The following AFF3 variants were observed in gnomAD, a reference collection of about 807,000 sequenced individuals.
AFF3 encodes AF4/FMR2 family member 3.
AFF3 carries 32 observed loss-of-function variants against 129.7 expected under a neutral mutation model. The ratio of observed to expected loss-of-function variants is 0.25; its 90% CI spans 0.19 to 0.33. The LOEUF is 0.33. Among genes scored for constraint, AFF3 ranks in the 10% least tolerant of loss-of-function variants. AFF3 has a pLI of 1.00. For synonymous variants in AFF3, 644 were observed against 635.4 expected (o/e 1.01, Z -0.20); for missense variants, 1,373 against 1,592.0 (o/e 0.86, Z 2.34).
chr2:99,695,312 C>G (rs1440500479), intron 11 of AFF3, among the ~76,000 whole-genome samples: 1 of 152,138 alleles, frequency 6.6e-6, no homozygotes, highest in East Asian at 1.9e-4. Context: ...GTTTCTGGCC[C>G]CACGCTCAGT....
chr2:99,885,220 C>T (rs546093597), intron 7 of AFF3, among the ~76,000 whole-genome samples: 1 of 152,220 alleles, frequency 6.6e-6, no homozygotes, highest in Non-Finnish European at 1.5e-5. Flanking sequence ...ATCCATCCCA[C>T]CTGCAATGCC....
chr2:99,648,707 G>T (rs994964917), intron 13 of AFF3, among the ~76,000 whole-genome samples: 3 of 152,054 alleles, frequency 2.0e-5, no homozygotes, highest in Non-Finnish European at 2.9e-5. Context: ...AGTCAATGAT[G>T]GCTCATTCCA....
At chr2:99,988,786 G>A (rs897715373) in intron 7 of AFF3, among the ~76,000 whole-genome samples, 3 of 113,738 alleles carry the variant, frequency 2.6e-5, no homozygotes. Context: ...ACTGCCCTAG[G>A]AAAGAGAGGA....
rs1244996510 is a variant in AFF3 at position 99,923,533 on chromosome 2, G to A, written c.873+83099C>T. On this transcript the variant is annotated intron_variant, in intron 7 of 24. Transcript: ENST00000672756. Reference sequence around the variant, plus strand: ...AGAGTAAACTTATATTTATGCAAAAGGACCAACGAAAGATGATCAGGATCC... The same window carrying A: ...AGAGTAAACTTATATTTATGCAAAAAGACCAACGAAAGATGATCAGGATCC... Among the ~76,000 whole-genome samples the A allele has an allele frequency of 3.3e-5, 5 of 152,244 alleles. No homozygotes were observed. The East Asian group carries it at 9.7e-4, about 29-fold the overall frequency.
intron 15 of AFF3, among the ~76,000 whole-genome samples, chr2:99,590,404 C>G (rs1241493124): frequency 6.6e-6 from 1 of 152,170 alleles, no homozygotes; most frequent in Admixed American, 6.5e-5. Context: ...TGCAGCATCA[C>G]AAATTCAAAG....
chr2:99,644,508 T>C (rs1272286788), intron 13 of AFF3, among the ~76,000 whole-genome samples: 1 of 152,234 alleles, frequency 6.6e-6, no homozygotes, highest in Admixed American at 6.5e-5. Context: ...CCTGATCTGC[T>C]GCTATAAAGC....
chr2:99,736,332 TG>T (rs1351824124), intron 10 of AFF3, among the ~76,000 whole-genome samples: 3 of 152,218 alleles, frequency 2.0e-5, no homozygotes, highest in Admixed American at 2.0e-4. Flanking sequence ...TATGGTAAGT[TG>T]TATCTTTCCT....
Position 99,902,853 on chromosome 2 carries a change from G to A in AFF3, c.874-65329C>T, listed in dbSNP as rs1402060011. ...TTAAGCTGTCTGAAAGGCCTCCCAT[G>A]CATAATGATGGAAAAAATATAGGAA... On this transcript the variant is annotated intron_variant, in intron 7 of 24. Coordinates refer to ENST00000672756, the MANE Select transcript of AFF3 (RefSeq NM_001386135.1). Among the ~76,000 whole-genome samples, 4 of 152,094 alleles carry A rather than the reference G, an allele frequency of 2.6e-5. No homozygotes were observed. The East Asian group carries it at 7.7e-4, about 29-fold the overall frequency.
At chr2:99,998,763 A>C (rs1426188006) in intron 7 of AFF3, among the ~76,000 whole-genome samples, 1 of 152,172 alleles carries the variant, frequency 6.6e-6, no homozygotes, top group East Asian at 1.9e-4. Flanking sequence ...TCCCATGAAT[A>C]ACTGAACGAG....
chr2:99,695,291 G>A (rs1035794818), intron 11 of AFF3, among the ~76,000 whole-genome samples: 3 of 152,248 alleles, frequency 2.0e-5, no homozygotes, highest in South Asian at 4.1e-4. Context: ...CCAGTCCTTC[G>A]TATCTTGGGT....
intron 15 of AFF3, among the ~76,000 whole-genome samples, chr2:99,592,781 A>G (rs1410184280): frequency 5.9e-5 from 9 of 152,024 alleles, no homozygotes; most frequent in African/African-American, 1.9e-4. Context: ...TAAAAATACA[A>G]AAAAATTAGC....
rs576034337 is a variant in AFF3, at chr2:100,103,102, G to A, written c.53+1300C>T. Among the ~76,000 whole-genome samples, 8 of 152,328 alleles carry A rather than the reference G, an allele frequency of 5.3e-5. No homozygotes were observed. The South Asian group carries it at 1.5e-3, about 28-fold the overall frequency. Reference sequence around the variant, plus strand: ...TAGGATCTTTTATAAGAAACCGTTTGATAATGTGCTAGCTTTGTGTCCAGT... The same window carrying A: ...TAGGATCTTTTATAAGAAACCGTTTAATAATGTGCTAGCTTTGTGTCCAGT... On this transcript the variant is annotated intron_variant, in intron 4 of 24. Transcript: ENST00000672756.
At chr2:100,019,895 C>G (rs1278522121) in intron 4 of AFF3, among the ~76,000 whole-genome samples, 1 of 152,162 alleles carries the variant, frequency 6.6e-6, no homozygotes, top group Non-Finnish European at 1.5e-5. Flanking sequence ...CCCCCAACCC[C>G]ACCTTCCCAT....
chr2:100,052,957 C>A (rs978135884), intron 4 of AFF3, among the ~76,000 whole-genome samples: 2 of 152,168 alleles, frequency 1.3e-5, no homozygotes, highest in African/African-American at 2.4e-5. Context: ...TTCCTGACTT[C>A]CCCAAGAGCA....
At chr2:99,553,973 A>T (rs1386226259) in intron 24 of AFF3, among the ~76,000 whole-genome samples, 2 of 152,072 alleles carry the variant, frequency 1.3e-5, no homozygotes, top group African/African-American at 4.8e-5. Context: ...AATAACCAGA[A>T]ATATGAACAA....
At chr2:99,610,274 C>A in intron 13 of AFF3, among the ~76,000 whole-genome samples, 1 of 152,214 alleles carries the variant, frequency 6.6e-6, no homozygotes, top group Non-Finnish European at 1.5e-5. Context: ...GGAGCATTCA[C>A]GCCGACCTCT....
In AFF3 at chr2:99,890,805, A is replaced by C. The variant is rs1350692879; in HGVS notation, c.874-53281T>G. On this transcript the variant is annotated intron_variant, in intron 7 of 24. Coordinates refer to ENST00000672756, the MANE Select transcript of AFF3 (RefSeq NM_001386135.1). The stretch of plus-strand genomic sequence containing the variant: ...CAGCCTGTCAGTTGCACCCTCCCTG[A>C]CACCACCACCGGGACCTGCACAGAC... Among the ~76,000 whole-genome samples, 3 of 150,982 alleles carry C rather than the reference A, an allele frequency of 2.0e-5. No individual in the cohort carries two copies. In the East Asian group the frequency reaches 5.9e-4, roughly 30 times the overall value.
At position 99,653,200 on chromosome 2, in the gene AFF3, A is replaced by G. The variant is rs376519702; in HGVS notation, c.1144-3534T>C. On this transcript the variant is annotated intron_variant, in intron 12 of 24. Transcript: ENST00000672756. ...TACTCCTGACTGTTTGGCTGAATAT[A>G]CAAGAAGTATTTTTGAACTGCCCCA... Among the ~76,000 whole-genome samples, 21 of 152,346 alleles carry G rather than the reference A, an allele frequency of 1.4e-4. 1 individual carries two copies. The South Asian group carries it at 1.7e-3, about 12-fold the overall frequency.
At chr2:100,059,177 TG>T (rs1421550353) in intron 4 of AFF3, among the ~76,000 whole-genome samples, 2 of 131,346 alleles carry the variant, frequency 1.5e-5, no homozygotes, top group African/African-American at 5.9e-5. Context: ...AGCTTGAACC[TG>T]GGAGGCAGAG....
Sources: gnomAD v4.1 joint callset for allele counts (sites outside exome capture counted in the v4.1 genomes callset) on GRCh38, gnomAD v4.1.1 for gene constraint, MANE v1.5 for transcripts, NCBI Gene and HGNC (gene_info 2026-07-23, HGNC 2026-07-21) for gene names.